The following DNAH12 variants were observed in gnomAD, a reference collection of about 807,000 sequenced individuals.
The protein encoded by DNAH12 is axonemal beta dynein heavy chain 12.
In DNAH12, 285 loss-of-function variants were observed where a neutral mutation model predicts 371.5. That is an observed-to-expected ratio of 0.77 (90% confidence interval 0.70 to 0.85). DNAH12 has a LOEUF of 0.85. DNAH12 is among the 40% of genes least tolerant of loss of function. The pLI is 0.00. For missense variants in DNAH12, 3,611 were observed against 3,689.4 expected, an observed-to-expected ratio of 0.98 and a Z score of 0.55; for synonymous variants, 1,200 against 1,213.0, an observed-to-expected ratio of 0.99 and a Z score of 0.22.
At chr3:57,448,775 T>C (rs1425806685) in intron 25 of DNAH12, among the ~76,000 whole-genome samples, 1 of 152,110 alleles carries the variant, frequency 6.6e-6, no homozygotes, top group African/African-American at 2.4e-5. Flanking sequence ...CCCATCAGAT[T>C]AGTTAGATAC....
At chr3:57,427,416 G>A (rs115097787) in intron 34 of DNAH12, among the ~76,000 whole-genome samples, 3,610 of 151,964 alleles carry the variant, frequency 0.024, 69 homozygotes, top group Admixed American at 0.035. Context: ...GCCGGATGCG[G>A]TTGCTCATGC....
At chr3:57,480,001 A>G (rs2066679623) in intron 13 of DNAH12, among the ~76,000 whole-genome samples, 1 of 152,202 alleles carries the variant, frequency 6.6e-6, no homozygotes, top group African/African-American at 2.4e-5. Flanking sequence ...TAACATCACA[A>G]TTAAAAGAAC....
chr3:57,425,193 TAAG>T, intron 34 of DNAH12, 52 bp from the exon 35 acceptor site: 1 of 671,652 alleles, frequency 1.5e-6, no homozygotes. Context: ...ATTTAGAAAA[TAAG>T]AAAAACACTT....
At chr3:57,379,686 C>T (rs1237259941) in intron 51 of DNAH12, among the ~76,000 whole-genome samples, 1 of 151,262 alleles carries the variant, frequency 6.6e-6, no homozygotes, top group Admixed American at 6.6e-5. Context: ...ACTAATAGTA[C>T]AAAAATTAGC....
intron 39 of DNAH12, 121 bp from the exon 40 acceptor site, chr3:57,408,656 A>G (rs1553682103): frequency 1.6e-6 from 2 of 1,254,752 alleles, no homozygotes; most frequent in Non-Finnish European, 2.1e-6. Flanking sequence ...ATAACTTCAG[A>G]TAACACTTTG....
At chr3:57,302,199 G>A (rs913121523) in intron 69 of DNAH12, among the ~76,000 whole-genome samples, 1 of 151,972 alleles carries the variant, frequency 6.6e-6, no homozygotes, top group Non-Finnish European at 1.5e-5. Context: ...GGCTATTTTT[G>A]CTTAGGACCT....
intron 39 of DNAH12, among the ~76,000 whole-genome samples, chr3:57,409,430 C>T (rs782137772): frequency 2.9e-4 from 44 of 151,936 alleles, no homozygotes; most frequent in African/African-American, 3.6e-4. Context: ...GCCAATAAAA[C>T]GAATGAGTAG....
At chr3:57,432,150 T>A (rs2153365989) in intron 32 of DNAH12, among the ~76,000 whole-genome samples, 1 of 148,314 alleles carries the variant, frequency 6.7e-6, no homozygotes, top group East Asian at 2.0e-4. Context: ...CCACCTATGA[T>A]AAAGTACTTC....
rs1391582276 is a variant in DNAH12, at chr3:57,314,545, A to C, written c.10611T>G (p.Ile3537Met). Residue 3537 changes from isoleucine (I) to methionine (M), a missense_variant, in exon 66 of 74, where the codon ATT (isoleucine) becomes ATG (methionine). This residue lies in a region of DNAH12 where 2,266 missense variants were observed against 2,236.9 expected (regional missense o/e 1.01). Coordinates refer to ENST00000495027, the MANE Select transcript of DNAH12 (RefSeq NM_001366028.2). ...AGTCAGATTCATTAAATCCATATGG[A>C]ATATTCCAACCAAGAGGACCAAATT... is the stretch of plus-strand genomic sequence containing the variant. ...RKKFGPLGWN[I>M]PYGFNESDLR... 4 of 1,551,296 alleles carry C rather than the reference A, an allele frequency of 2.6e-6. No individual in the cohort carries two copies. Among genetic ancestry groups the C allele is most frequent in the African/African-American group, 2.7e-5 (2 of 73,030 alleles).
intron 5 of DNAH12, among the ~76,000 whole-genome samples, chr3:57,509,719 G>A (rs1332708906): frequency 6.6e-6 from 1 of 151,780 alleles, no homozygotes; most frequent in Non-Finnish European, 1.5e-5. Context: ...AAAATTAGCT[G>A]GGCATGGTGG....
intron 12 of DNAH12, among the ~76,000 whole-genome samples, chr3:57,485,923 G>A (rs964976771): frequency 4.6e-5 from 7 of 151,992 alleles, no homozygotes; most frequent in Admixed American, 2.6e-4. Flanking sequence ...AGAAATCACC[G>A]CTAAATAACT....
In DNAH12 at chr3:57,508,409, G is replaced by T. The variant is rs751079167; in HGVS notation, c.674C>A (p.Thr225Lys). 6.2e-7 allele frequency: 1 copy of T among 1,606,784 alleles called. No individual in the cohort carries two copies. The highest frequency in any genetic ancestry group is 1.1e-5 in the South Asian group (1 of 88,996). Reference sequence around the variant, plus strand: ...AATTCCTGTGAAGTCCAACAAAACTGTATCAGCAAATGTTGTATAACCAAG... The same window carrying T: ...AATTCCTGTGAAGTCCAACAAAACTTTATCAGCAAATGTTGTATAACCAAG... ...LDLGYTTFADTVLLDFTGIRA... is the reference protein window; with the variant it reads ...LDLGYTTFADKVLLDFTGIRA... Residue 225 changes from threonine to lysine, a missense_variant, in exon 7 of 74, where the codon ACA becomes AAA. Thr to Lys is a moderately conservative substitution (Grantham distance 78). Transcript: ENST00000495027.
At chr3:57,480,879 C>G (rs1267939674) in intron 13 of DNAH12, among the ~76,000 whole-genome samples, 1 of 152,120 alleles carries the variant, frequency 6.6e-6, no homozygotes, top group African/African-American at 2.4e-5. Flanking sequence ...GTGCTTCATG[C>G]TAAAAACTCT....
intron 69 of DNAH12, among the ~76,000 whole-genome samples, chr3:57,307,779 C>T (rs2061502453): frequency 6.6e-6 from 1 of 152,156 alleles, no homozygotes; most frequent in Non-Finnish European, 1.5e-5. Context: ...ATAACTGTAT[C>T]TCTCTGATCC....
chr3:57,394,603 C>T (rs2063698603), intron 43 of DNAH12, among the ~76,000 whole-genome samples: 5 of 152,236 alleles, frequency 3.3e-5, no homozygotes, highest in Admixed American at 3.3e-4. Context: ...AGTCTTACTT[C>T]AGGGACTGAG....
chr3:57,473,494 A>G (rs2066429426), intron 13 of DNAH12, among the ~76,000 whole-genome samples: 1 of 152,078 alleles, frequency 6.6e-6, no homozygotes, highest in South Asian at 2.1e-4. Context: ...TCAAAAAAAA[A>G]AAAAGTTGGA....
chr3:57,323,830 C>T (rs1451242762), intron 62 of DNAH12, among the ~76,000 whole-genome samples: 1 of 152,120 alleles, frequency 6.6e-6, no homozygotes, highest in Non-Finnish European at 1.5e-5. Flanking sequence ...GCAAAGGAGA[C>T]AAACTGCTTA....
chr3:57,322,442 A>G lies in DNAH12; in HGVS notation c.10425T>C (p.Asn3475=), dbSNP rs1370287199. 2 of 1,552,184 alleles carry G rather than the reference A, an allele frequency of 1.3e-6. No homozygotes were observed. The highest frequency in any genetic ancestry group is 2.0e-5 in the Admixed American group (1 of 50,968). The change falls in exon 65 of 74, where the codon AAT becomes AAC. Residue 3475 remains asparagine, a synonymous_variant. Coordinates refer to ENST00000495027, the MANE Select transcript of DNAH12 (RefSeq NM_001366028.2). ...TCAGCCGAAGACCCGTGGGAGGTTC[A>G]TTAGTCATTTTTACTCCATTCTGTA... ...TILQNGVKMT[N]EPPTGLRLNL...
Position 57,445,247 on chromosome 3 carries a change from C to G in DNAH12, c.4352G>C (p.Arg1451Pro). Residue 1451 changes from arginine (R) to proline (P), a missense_variant, in exon 28 of 74, where the codon CGA becomes CCA. Arg to Pro is a moderately radical substitution (Grantham distance 103, BLOSUM62 -2). Transcript: ENST00000495027. ...SSQFHYDYGM[R>P]AVKAVLVAAG... ...AGCCACTAAAACGGCTTTTACTGCTCGCATTCCATAGTCGTAATGAAATTG... is the reference window on the plus strand; with the variant it reads ...AGCCACTAAAACGGCTTTTACTGCTGGCATTCCATAGTCGTAATGAAATTG... 2 of 1,551,122 alleles carry G rather than the reference C, an allele frequency of 1.3e-6. No homozygotes were observed. The highest frequency in any genetic ancestry group is 1.7e-6 in the Non-Finnish European group (2 of 1,146,696).
Sources: gnomAD v4.1 joint callset for allele counts (sites outside exome capture counted in the v4.1 genomes callset) on GRCh38, gnomAD v4.1.1 for gene constraint, gnomAD v4.1.1 regional missense constraint, MANE v1.5 for transcripts, NCBI Gene and HGNC (gene_info 2026-07-23, HGNC 2026-07-21) for gene names.